The following KIAA0319L variants were observed in gnomAD, a reference collection of about 807,000 sequenced individuals.
KIAA0319L encodes the protein KIAA0319 like.
In KIAA0319L, 55 loss-of-function variants were observed where a neutral mutation model predicts 120.1. The observed-to-expected ratio is 0.46, with a 90% CI of 0.37 to 0.57. The LOEUF (loss-of-function observed/expected upper bound fraction) is 0.57. KIAA0319L is among the 20% of genes least tolerant of loss of function. The pLI is 0.00. For missense variants in KIAA0319L, 1,049 were observed against 1,255.3 expected, an observed-to-expected ratio of 0.84 and a Z score of 2.48; for synonymous variants, 398 against 471.9, an observed-to-expected ratio of 0.84 and a Z score of 2.03.
rs543237461 is a variant in KIAA0319L, at chr1:35,461,762, TTCTACCACTC to T, written c.1294+849_1294+858del. Among the ~76,000 whole-genome samples, 30 of 152,226 alleles carry T rather than the reference TTCTACCACTC, an allele frequency of 2.0e-4. No homozygotes were observed. In the South Asian group the frequency reaches 5.4e-3, roughly 27 times the overall value. ...AATAAAACAGTACAACGTGAGCCCTTTCTACCACTCTCTATCACAAGGGCTTCTTCCTGTT... is the reference window on the plus strand; with the variant it reads ...AATAAAACAGTACAACGTGAGCCCTTTCTATCACAAGGGCTTCTTCCTGTT... On this transcript the variant is annotated intron_variant, in intron 8 of 20. Coordinates refer to ENST00000325722, the MANE Select transcript of KIAA0319L (RefSeq NM_024874.5).
At chr1:35,524,851 C>G (rs1202604946) in intron 2 of KIAA0319L, among the ~76,000 whole-genome samples, 2 of 152,196 alleles carry the variant, frequency 1.3e-5, no homozygotes, top group African/African-American at 4.8e-5. Flanking sequence ...AAGAACATTT[C>G]AAGGCCTCAC....
At position 35,434,655 on chromosome 1, in the gene KIAA0319L, T is replaced by C; in HGVS notation, c.*239A>G. ...AGGAGTTTGCAAAAAAAGGAGGCCC[T>C]GAGGTGAGGATATCTGGGGGCCCAC... is the stretch of plus-strand genomic sequence containing the variant. On this transcript the variant is annotated 3_prime_UTR_variant, in exon 21 of 21. Transcript: ENST00000325722. 2.0e-6 allele frequency: 1 copy of C among 494,784 alleles called. No homozygotes were observed. Among genetic ancestry groups the C allele is most frequent in the African/African-American group, 2.0e-5 (1 of 48,842 alleles). The allele number at this position is 494,784 out of a possible 1,614,324, so 30.6% of individuals were successfully genotyped here.
chr1:35,506,460 G>A lies in KIAA0319L; in HGVS notation c.666+152C>T. 1.4e-6 allele frequency: 1 copy of A among 693,484 alleles called. No homozygotes were observed. 43.0% of individuals were successfully genotyped at this position (693,484 alleles called of 1,614,324 possible). Reference sequence around the variant, plus strand: ...GGTCAAATTACCCTTTGTACATCTGGGCAGCACCAAAGAAGCTGACACCAA... The same window carrying A: ...GGTCAAATTACCCTTTGTACATCTGAGCAGCACCAAAGAAGCTGACACCAA... On this transcript the variant is annotated intron_variant, in intron 3 of 20. Transcript: ENST00000325722. This position sits in a 1 kb window ranked among gnomAD's most constrained non-coding sequence, Gnocchi z 4.0.
At chr1:35,540,500 T>C (rs1646747255) in intron 2 of KIAA0319L, among the ~76,000 whole-genome samples, 1 of 152,104 alleles carries the variant, frequency 6.6e-6, no homozygotes, top group African/African-American at 2.4e-5. Context: ...ACTTCCAACT[T>C]GGGGGCAAAG....
At chr1:35,487,981 C>G (rs1644452309) in intron 3 of KIAA0319L, among the ~76,000 whole-genome samples, 1 of 152,170 alleles carries the variant, frequency 6.6e-6, no homozygotes, top group South Asian at 2.1e-4. Context: ...CTTTCAAGCC[C>G]TCCTGCTAAA....
At chr1:35,551,162 A>G (rs899355179) in intron 2 of KIAA0319L, among the ~76,000 whole-genome samples, 4 of 152,236 alleles carry the variant, frequency 2.6e-5, no homozygotes, top group Non-Finnish European at 4.4e-5. Context: ...ACCCCTTGGC[A>G]GCACTGGATA....
At chr1:35,444,386 T>C in intron 16 of KIAA0319L, 83 bp from the exon 17 acceptor site, 3 of 1,328,010 alleles carry the variant, frequency 2.3e-6, no homozygotes, top group Admixed American at 2.7e-5. Context: ...TACCTTCTGT[T>C]TGTGACAGAC....
At chr1:35,463,721 G>A (rs1295030440) in intron 7 of KIAA0319L, among the ~76,000 whole-genome samples, 1 of 152,190 alleles carries the variant, frequency 6.6e-6, no homozygotes, top group Non-Finnish European at 1.5e-5. Context: ...AATTTATGCT[G>A]TATATGTACC....
chr1:35,445,093 C>T (rs1205248042), intron 16 of KIAA0319L, among the ~76,000 whole-genome samples: 2 of 152,166 alleles, frequency 1.3e-5, no homozygotes, highest in African/African-American at 2.4e-5. Context: ...TTGATCCCCT[C>T]ATCATGCAGT....
Position 35,481,973 on chromosome 1 carries a change from C to T in KIAA0319L, c.667-2761G>A, listed in dbSNP as rs190260979. ...CTGAGTAGCTGGGACTACAGGCGCC[C>T]GCCACCATGCCCAGCTAATTTTTTG... On this transcript the variant is annotated intron_variant, in intron 3 of 20. Transcript: ENST00000325722. 3.5e-3 allele frequency among the ~76,000 whole-genome samples: 535 copies of T among 151,484 alleles called. 1 individual carries two copies. Among genetic ancestry groups the T allele is most frequent in the Non-Finnish European group, 6.4e-3 (434 of 67,792 alleles).
chr1:35,505,699 GT>G (rs1245865915), intron 3 of KIAA0319L, among the ~76,000 whole-genome samples: 7 of 151,974 alleles, frequency 4.6e-5, no homozygotes, highest in African/African-American at 1.5e-4. Flanking sequence ...GCACTAAAAA[GT>G]TTTTTTCTTA....
intron 2 of KIAA0319L, among the ~76,000 whole-genome samples, chr1:35,548,576 C>G (rs369631831): frequency 6.6e-6 from 1 of 152,064 alleles, no homozygotes; most frequent in Non-Finnish European, 1.5e-5. Flanking sequence ...ATCTCTTACA[C>G]ATATATAAGA....
At chr1:35,435,185 C>T (rs988508200) in intron 20 of KIAA0319L, 104 bp from the exon 21 acceptor site, 7 of 1,011,152 alleles carry the variant, frequency 6.9e-6, no homozygotes, top group Admixed American at 2.2e-5. Context: ...GGGCAAGTCA[C>T]AGGCTCCTCT....
At chr1:35,544,497 A>G (rs1367089457) in intron 2 of KIAA0319L, among the ~76,000 whole-genome samples, 7 of 152,210 alleles carry the variant, frequency 4.6e-5, no homozygotes, top group African/African-American at 1.7e-4. Flanking sequence ...CAGAGGATAT[A>G]GCAAAAATTA....
intron 6 of KIAA0319L, among the ~76,000 whole-genome samples, chr1:35,467,216 G>C (rs553678152): frequency 6.6e-6 from 1 of 151,842 alleles, no homozygotes; most frequent in South Asian, 2.1e-4. Context: ...GAACATTAAG[G>C]GCCCGAATAT....
chr1:35,441,528 G>A (rs1641217446), intron 19 of KIAA0319L, among the ~76,000 whole-genome samples: 1 of 152,050 alleles, frequency 6.6e-6, no homozygotes. Context: ...TTAGTTCTAA[G>A]TTTTATAAGA....
chr1:35,453,468 G>T lies in KIAA0319L; in HGVS notation c.1913+89C>A. On this transcript the variant is annotated intron_variant, in intron 12 of 20. Transcript: ENST00000325722. This position sits in a 1 kb window ranked among gnomAD's most constrained non-coding sequence, Gnocchi z 4.1. ...GTCACCCCACTGGATAAGCCAATAA[G>T]AGCAACTCAACTCATAATAGCAAAT... 7.8e-7 allele frequency: 1 copy of T among 1,288,182 alleles called. No homozygotes were observed. Among genetic ancestry groups the T allele is most frequent in the Non-Finnish European group, 1.1e-6 (1 of 909,208 alleles). The allele number at this position is 1,288,182 out of a possible 1,614,324, so 79.8% of individuals were successfully genotyped here.
At chr1:35,530,715 G>A (rs1330994958) in intron 2 of KIAA0319L, among the ~76,000 whole-genome samples, 2 of 152,216 alleles carry the variant, frequency 1.3e-5, no homozygotes, top group Non-Finnish European at 2.9e-5. Context: ...CCAATTTTTT[G>A]TATTGGCTTT....
chr1:35,467,046 C>T (rs370620935), intron 6 of KIAA0319L, among the ~76,000 whole-genome samples: 18 of 151,130 alleles, frequency 1.2e-4, no homozygotes, highest in Admixed American at 4.0e-4. Flanking sequence ...GAGCCGAGAT[C>T]ATGTCACTGC....
Sources: allele counts gnomAD v4.1 joint callset (sites outside exome capture counted in the v4.1 genomes callset), GRCh38; gene constraint gnomAD v4.1.1; non-coding constraint Gnocchi (gnomAD v3.1); transcripts MANE v1.5; gene names NCBI Gene and HGNC (gene_info 2026-07-23, HGNC 2026-07-21).